PRH1: variants seen among roughly 807,000 people sequenced by gnomAD.
PRH1 encodes proline rich protein HaeIII subfamily 1.
Under a neutral mutation model 7.9 loss-of-function variants are expected in PRH1, and 7 were observed. That is an observed-to-expected ratio of 0.89 (90% confidence interval 0.50 to 1.67). PRH1 has a LOEUF of 1.67. Ranked by LOEUF, PRH1 falls within the 40% of genes most tolerant of loss-of-function variation. The pLI is 0.00. For synonymous variants in PRH1, 45 were observed against 80.8 expected, an observed-to-expected ratio of 0.56 and a Z score of 2.38; for missense variants, 109 against 223.6, an observed-to-expected ratio of 0.49 and a Z score of 3.27.
At chr12:11,156,230 G>C (rs1376742) in intron 1 of PRH1, among the ~76,000 whole-genome samples, 34,649 of 152,004 alleles carry the variant, frequency 0.23, 3,992 homozygotes, top group Non-Finnish European at 0.24. Context: ...CTGAAAATCA[G>C]TTGTCATTCA....
chr12:11,158,213 T>G (rs1443397537), intron 1 of PRH1, among the ~76,000 whole-genome samples: 2 of 152,152 alleles, frequency 1.3e-5, no homozygotes, highest in Non-Finnish European at 2.9e-5. Flanking sequence ...TTTAGTAACA[T>G]CATTTGCAAG....
At chr12:10,932,012 G>A (rs957060746) in intron 2 of PRH1, among the ~76,000 whole-genome samples, 6 of 152,098 alleles carry the variant, frequency 3.9e-5, no homozygotes, top group East Asian at 1.9e-4. Flanking sequence ...AACAATAATC[G>A]TTTTTCGTCC....
At chr12:10,927,561 T>A (rs1182198698) in intron 2 of PRH1, among the ~76,000 whole-genome samples, 1 of 152,250 alleles carries the variant, frequency 6.6e-6, no homozygotes, top group Non-Finnish European at 1.5e-5. Context: ...AATATCAGTC[T>A]GCCTGGGTCC....
chr12:11,136,849 C>T (rs1431083391), intron 1 of PRH1, among the ~76,000 whole-genome samples: 1 of 152,196 alleles, frequency 6.6e-6, no homozygotes. Flanking sequence ...ACCGAAACTC[C>T]CTCTACAATA....
chr12:11,027,509 T>C (rs1941975336), intron 1 of PRH1, among the ~76,000 whole-genome samples: 1 of 152,198 alleles, frequency 6.6e-6, no homozygotes, highest in South Asian at 2.1e-4. Flanking sequence ...TCTATAAATT[T>C]CCTATCACTA....
At chr12:11,068,257 C>T (rs575216909) in intron 1 of PRH1, among the ~76,000 whole-genome samples, 33 of 152,178 alleles carry the variant, frequency 2.2e-4, no homozygotes, top group Non-Finnish European at 4.6e-4. Context: ...ATATGTTTCA[C>T]TGTAGAGTTT....
At chr12:10,905,744 T>A (rs1220614697) in intron 2 of PRH1, among the ~76,000 whole-genome samples, 1 of 150,576 alleles carries the variant, frequency 6.6e-6, no homozygotes, top group Admixed American at 6.6e-5. Flanking sequence ...TAAAAAAAAA[T>A]GAAATCATGT....
intron 1 of PRH1, among the ~76,000 whole-genome samples, chr12:10,974,392 G>A (rs1037595134): frequency 6.6e-6 from 1 of 152,112 alleles, no homozygotes; most frequent in Non-Finnish European, 1.5e-5. Context: ...TCAGAGTATC[G>A]TAACCAGCAA....
chr12:11,143,581 C>T (rs2136400666), intron 1 of PRH1, among the ~76,000 whole-genome samples: 1 of 151,946 alleles, frequency 6.6e-6, no homozygotes, highest in South Asian at 2.1e-4. Context: ...TAATCAGTTG[C>T]CTATAAGAAA....
chr12:10,969,143 G>A (rs554725224), intron 2 of PRH1, among the ~76,000 whole-genome samples: 7 of 152,330 alleles, frequency 4.6e-5, no homozygotes, highest in East Asian at 1.9e-4. Context: ...GAAGCAGGAA[G>A]GTAATCTTCC....
At chr12:10,968,770 T>C (rs1478983587) in intron 2 of PRH1, among the ~76,000 whole-genome samples, 3 of 152,210 alleles carry the variant, frequency 2.0e-5, no homozygotes, top group Non-Finnish European at 4.4e-5. Flanking sequence ...AGGAGCACTT[T>C]TGGATGCCAG....
At chr12:11,134,237 G>A (rs1160805385) in intron 1 of PRH1, 1 of 1,612,562 alleles carries the variant, frequency 6.2e-7, no homozygotes. Flanking sequence ...GGGCAGAAAA[G>A]TTATCATGTC....
rs537899450 is a variant in PRH1 at position 11,105,859 on chromosome 12, A to G, written n.124-58671T>C. ...CAAACTTTTCCTACCAAAAGGATTC[A>G]AGTTTTTCTTGGGAATCTCAGAAAG... On this transcript the variant is annotated intron_variant and non_coding_transcript_variant, in intron 1 of 4. Transcript: ENST00000541977. Among the ~76,000 whole-genome samples the G allele has an allele frequency of 3.3e-5, 5 of 152,312 alleles. No individual in the cohort carries two copies. In the East Asian group the frequency reaches 9.6e-4, roughly 29 times the overall value.
chr12:10,977,428 C>A (rs1032775852), intron 1 of PRH1, among the ~76,000 whole-genome samples: 3 of 152,094 alleles, frequency 2.0e-5, no homozygotes, highest in African/African-American at 7.2e-5. Flanking sequence ...CAATAATAAG[C>A]ACCACCTATG....
chr12:10,982,572 C>T (rs1275461107), intron 1 of PRH1, among the ~76,000 whole-genome samples: 1 of 152,192 alleles, frequency 6.6e-6, no homozygotes, highest in Non-Finnish European at 1.5e-5. Context: ...CACTGCTTCA[C>T]TGTTTTCTGT....
chr12:11,116,052 C>T (rs560158680), downstream of PRH1, among the ~76,000 whole-genome samples: 2 of 151,708 alleles, frequency 1.3e-5, no homozygotes, highest in South Asian at 2.1e-4. Flanking sequence ...AAAATTACAG[C>T]AGAAATAAAT....
chr12:11,077,682 G>T, intron 1 of PRH1: 1 of 1,187,892 alleles, frequency 8.4e-7, no homozygotes, highest in Non-Finnish European at 1.2e-6. Context: ...TCAGAATGAA[G>T]GGTATGAGGT....
At chr12:10,953,024 G>A (rs115153254) in intron 2 of PRH1, among the ~76,000 whole-genome samples, 3,005 of 152,046 alleles carry the variant, frequency 0.02, 34 homozygotes, top group South Asian at 0.031. Flanking sequence ...CAGACTTAGA[G>A]TTAGAAATCT....
chr12:10,908,437 A>T (rs775346254), intron 2 of PRH1: 1 of 1,613,718 alleles, frequency 6.2e-7, no homozygotes. Flanking sequence ...GCCTGTCTTA[A>T]CTTAGCGTTT....
Sources: gnomAD v4.1 joint callset for allele counts (sites outside exome capture counted in the v4.1 genomes callset) on GRCh38, gnomAD v4.1.1 for gene constraint, MANE v1.5 for transcripts, NCBI Gene and HGNC (gene_info 2026-07-23, HGNC 2026-07-21) for gene names.